Variants in ZNF69 observed in about 807,000 individuals in gnomAD.
ZNF69 encodes the protein ZNF3.
ZNF69 carries 47 observed loss-of-function variants against 50.9 expected under a neutral mutation model. The observed-to-expected ratio is 0.92, with a 90% CI of 0.73 to 1.18. ZNF69 has a LOEUF of 1.18. Among genes scored for constraint, ZNF69 ranks in the 50% most tolerant of loss-of-function variants. The probability of loss-of-function intolerance (pLI) is 0.00; values close to 1 mark genes in which losing one functional copy is unlikely to be tolerated. For synonymous variants in ZNF69, 216 were observed against 223.1 expected (o/e 0.97, Z 0.29); for missense variants, 717 against 675.1 (o/e 1.06, Z -0.69).
intron 4 of ZNF69, among the ~76,000 whole-genome samples, chr19:11,911,779 C>T (rs938890017): frequency 1.3e-5 from 2 of 152,020 alleles, no homozygotes; most frequent in Non-Finnish European, 2.9e-5. Context: ...TGTAACAAAC[C>T]TGCACATTGT....
Position 11,903,518 on chromosome 19 carries a change from G to A in ZNF69, c.64-55G>A, listed in dbSNP as rs1160111989. The stretch of plus-strand genomic sequence containing the variant: ...AGAACTTCTTGAGAATAGAGTCTAG[G>A]CCCCCAGTGCTGTCACTCTCACCCA... On this transcript the variant is annotated intron_variant, in intron 1 of 3. Transcript: ENST00000429654. The A allele has an allele frequency of 3.1e-6, 5 of 1,607,468 alleles. No homozygotes were observed. In the African/African-American group the frequency reaches 4.0e-5, roughly 13 times the overall value.
the ZNF69 span, among the ~76,000 whole-genome samples, chr19:11,939,066 T>C: frequency 1.3e-5 from 2 of 152,276 alleles, no homozygotes; most frequent in East Asian, 1.9e-4. Flanking sequence ...CACTTTTTGA[T>C]GGGGTTGTTT....
chr19:11,932,724 G>A, the ZNF69 span, among the ~76,000 whole-genome samples: 4 of 139,740 alleles, frequency 2.9e-5, no homozygotes, highest in Admixed American at 2.9e-4. Flanking sequence ...TGCAAGCTCC[G>A]CCTCCCGGGT....
the ZNF69 span, among the ~76,000 whole-genome samples, chr19:11,921,414 C>T: frequency 2.0e-5 from 3 of 152,130 alleles, no homozygotes; most frequent in African/African-American, 7.2e-5. Flanking sequence ...AGTGATCCCC[C>T]TACCTCAGCC....
At chr19:11,891,329 G>A (rs896806608) in intron 1 of ZNF69, among the ~76,000 whole-genome samples, 1 of 147,548 alleles carries the variant, frequency 6.8e-6, no homozygotes, top group East Asian at 1.9e-4. Context: ...CGGGAGGCAA[G>A]CGTTCAAGAC....
chr19:11,925,406 C>T, the ZNF69 span: 3 of 1,404,352 alleles, frequency 2.1e-6, no homozygotes, highest in East Asian at 8.6e-5. Context: ...TTGAGCAGTT[C>T]GGCCCTCGGT....
chr19:11,891,191 C>T (rs188900274), intron 1 of ZNF69, among the ~76,000 whole-genome samples: 5 of 151,836 alleles, frequency 3.3e-5, no homozygotes, highest in Admixed American at 3.3e-4. Context: ...ATTGGGAGGC[C>T]GAGGCAGGAG....
chr19:11,945,768 T>G, the ZNF69 span, among the ~76,000 whole-genome samples: 264 of 152,178 alleles, frequency 1.7e-3, 1 homozygote, highest in Non-Finnish European at 2.7e-3. Context: ...TAACTTTAGC[T>G]GTAAAAGAGC....
the ZNF69 span, among the ~76,000 whole-genome samples, chr19:11,963,663 A>G: frequency 6.6e-6 from 1 of 151,990 alleles, no homozygotes; most frequent in African/African-American, 2.4e-5. Flanking sequence ...CCACAGGCCC[A>G]CACCAGCTGC....
chr19:11,938,818 T>C, the ZNF69 span, among the ~76,000 whole-genome samples: 1 of 152,160 alleles, frequency 6.6e-6, no homozygotes, highest in Non-Finnish European at 1.5e-5. Context: ...TCCACAATGG[T>C]TGAACTAGTT....
At chr19:11,940,533 C>T in the ZNF69 span, among the ~76,000 whole-genome samples, 8 of 151,984 alleles carry the variant, frequency 5.3e-5, no homozygotes, top group African/African-American at 1.5e-4. Flanking sequence ...CTCGTGATCT[C>T]GCTGGCTTCA....
the ZNF69 span, among the ~76,000 whole-genome samples, chr19:11,932,867 G>C: frequency 6.8e-6 from 1 of 148,000 alleles, no homozygotes; most frequent in East Asian, 1.9e-4. Flanking sequence ...TCAATATCCT[G>C]ACCTCGTGAT....
intron 1 of ZNF69, among the ~76,000 whole-genome samples, chr19:11,892,003 A>T (rs1465624190): frequency 2.0e-5 from 3 of 152,054 alleles, no homozygotes; most frequent in African/African-American, 7.2e-5. Context: ...TCTTTGAGCG[A>T]ATGTCTTGTT....
chr19:11,906,147 C>A lies in ZNF69; in HGVS notation c.*49C>A. 1 of 1,585,866 alleles carries A rather than the reference C, an allele frequency of 6.3e-7. No homozygotes were observed. The highest frequency in any genetic ancestry group is 1.2e-5 in the South Asian group (1 of 86,460). The stretch of plus-strand genomic sequence containing the variant: ...ACACCTTTGAATGCATGGTAGGACA[C>A]ACAATCAAGAGAAACCATGAATGTA... On this transcript the variant is annotated 3_prime_UTR_variant, in exon 4 of 4. Coordinates refer to ENST00000429654, the MANE Select transcript of ZNF69 (RefSeq NM_001364730.1).
intron 1 of ZNF69, among the ~76,000 whole-genome samples, chr19:11,899,256 G>A (rs1049711878): frequency 2.0e-5 from 3 of 152,052 alleles, no homozygotes; most frequent in Non-Finnish European, 2.9e-5. Flanking sequence ...ATGCATTGAA[G>A]GTCTCTCGAT....
chr19:11,888,215 C>T (rs1976994666), intron 1 of ZNF69, among the ~76,000 whole-genome samples: 1 of 152,228 alleles, frequency 6.6e-6, no homozygotes, highest in Non-Finnish European at 1.5e-5. Flanking sequence ...GGTTCCAGAG[C>T]CCTCTATGGG....
chr19:11,919,037 A>G (rs1249948646), downstream of ZNF69, among the ~76,000 whole-genome samples: 1 of 151,760 alleles, frequency 6.6e-6, no homozygotes, highest in African/African-American at 2.4e-5. Context: ...CTGGGACTAC[A>G]GGCGCCCGCC....
the ZNF69 span, chr19:11,979,456 T>G: frequency 6.2e-7 from 1 of 1,605,220 alleles, no homozygotes; most frequent in South Asian, 1.1e-5. Context: ...GAGAAAGACC[T>G]TATAAATGTA....
At chr19:11,960,114 A>C in the ZNF69 span, among the ~76,000 whole-genome samples, 1 of 150,800 alleles carries the variant, frequency 6.6e-6, no homozygotes, top group Admixed American at 6.6e-5. Flanking sequence ...ACCTCACTGC[A>C]ACCTCTGCCT....
Sources: allele counts gnomAD v4.1 joint callset (sites outside exome capture counted in the v4.1 genomes callset), GRCh38; gene constraint gnomAD v4.1.1; transcripts MANE v1.5; gene names NCBI Gene and HGNC (gene_info 2026-07-23, HGNC 2026-07-21).